The following GREB1 variants were observed in gnomAD, a reference collection of about 807,000 sequenced individuals.
The protein encoded by GREB1 is growth regulating estrogen receptor binding 1, also known as protein GREB1.
GREB1 carries 106 observed loss-of-function variants against 200.7 expected under a neutral mutation model. The ratio of observed to expected loss-of-function variants is 0.53; its 90% CI spans 0.45 to 0.62. The LOEUF is 0.62. GREB1 is among the 20% of genes least tolerant of loss of function. GREB1 has a pLI of 0.00. For synonymous variants in GREB1, 1,132 were observed against 1,092.4 expected, an observed-to-expected ratio of 1.04 and a Z score of -0.72; for missense variants, 2,243 against 2,556.8, an observed-to-expected ratio of 0.88 and a Z score of 2.65.
chr2:11,486,728 C>T (rs547464951), intron 1 of GREB1, among the ~76,000 whole-genome samples: 7 of 151,832 alleles, frequency 4.6e-5, no homozygotes, highest in African/African-American at 1.7e-4. Flanking sequence ...ATTAGCCAGG[C>T]GTGGTGGTGT....
At chr2:11,584,864 C>T (rs1035841293) in intron 7 of GREB1, 6 of 241,252 alleles carry the variant, frequency 2.5e-5, no homozygotes, top group South Asian at 8.7e-5. Flanking sequence ...GGCTGTAGTG[C>T]GCTATGCCGA....
intron 4 of GREB1, 126 bp downstream of exon 4, chr2:11,566,782 C>A: frequency 2.6e-6 from 2 of 778,140 alleles, no homozygotes; most frequent in Admixed American, 2.8e-5. Flanking sequence ...CAGCATGCAG[C>A]CCTGTTTCTG....
intron 1 of GREB1, among the ~76,000 whole-genome samples, chr2:11,484,802 T>C (rs1416753707): frequency 6.6e-6 from 1 of 152,170 alleles, no homozygotes. Context: ...CTAAATTCTG[T>C]CTTGGCCTTT....
intron 2 of GREB1, among the ~76,000 whole-genome samples, chr2:11,559,895 A>G (rs73915427): frequency 0.038 from 5,797 of 152,206 alleles, 235 homozygotes; most frequent in African/African-American, 0.093. Flanking sequence ...AGCCCAGGAA[A>G]TCTGAGAGAT....
chr2:11,618,166 G>GCCAC lies in GREB1; in HGVS notation c.3413-122_3413-121insCCAC, dbSNP rs1558643588. On this transcript the variant is annotated intron_variant, in intron 21 of 32. Transcript: ENST00000381486. ...CTGGGACAGGTCACTCCTGGGATGG[G>GCCAC]TGACTCCTGGGACAGGTCACTCCTG... 11 of 858,592 alleles carry GCCAC rather than the reference G, an allele frequency of 1.3e-5. No homozygotes were observed. In the East Asian group the frequency reaches 3.7e-4, roughly 29 times the overall value. The allele number at this position is 858,592 out of a possible 1,614,324, so 53.2% of individuals were successfully genotyped here.
At chr2:11,536,106 C>A (rs568663605) in intron 1 of GREB1, among the ~76,000 whole-genome samples, 1 of 152,278 alleles carries the variant, frequency 6.6e-6, no homozygotes, top group South Asian at 2.1e-4. Flanking sequence ...CCACCGCAAG[C>A]CTGGAGCATA....
At chr2:11,504,660 A>T (rs1429236877) in intron 1 of GREB1, among the ~76,000 whole-genome samples, 1 of 152,228 alleles carries the variant, frequency 6.6e-6, no homozygotes, top group African/African-American at 2.4e-5. Flanking sequence ...TTCAAGTTTC[A>T]TCCATGTTGT....
intron 11 of GREB1, among the ~76,000 whole-genome samples, chr2:11,593,336 G>A (rs1680921700): frequency 1.3e-5 from 2 of 152,350 alleles, no homozygotes; most frequent in Middle Eastern, 6.8e-3. Flanking sequence ...GGCTGGTGAG[G>A]TTAGCCCTGG....
chr2:11,567,621 C>G (rs779112537), intron 4 of GREB1, among the ~76,000 whole-genome samples: 6 of 152,180 alleles, frequency 3.9e-5, no homozygotes, highest in Non-Finnish European at 7.3e-5. Context: ...GTTTTCCCTT[C>G]CAGCCACCGG....
At chr2:11,590,498 G>T (rs1438283481) in intron 10 of GREB1, among the ~76,000 whole-genome samples, 7 of 152,122 alleles carry the variant, frequency 4.6e-5, no homozygotes, top group Non-Finnish European at 1.0e-4. Flanking sequence ...CTTCCCTGTG[G>T]CATGCTCTTG....
Position 11,618,425 on chromosome 2 carries a change from G to C in GREB1, c.3550G>C (p.Gly1184Arg). ...GEKQRPRASQ[G>R]PPSAISRHSP... ...GAAACAGAGGCCCCGGGCAAGTCAGGGGCCACCCTCGGCCATCAGCAGGCA... is the reference window on the plus strand; with the variant it reads ...GAAACAGAGGCCCCGGGCAAGTCAGCGGCCACCCTCGGCCATCAGCAGGCA... The change falls in exon 22 of 33, where the codon GGG becomes CGG. Residue 1184 changes from glycine to arginine, a missense_variant. Gly to Arg is a moderately radical substitution (Grantham distance 125). Transcript: ENST00000381486. 2 of 1,608,544 alleles carry C rather than the reference G, an allele frequency of 1.2e-6. No homozygotes were observed. Among genetic ancestry groups the C allele is most frequent in the Non-Finnish European group, 1.7e-6 (2 of 1,178,092 alleles).
At chr2:11,549,391 A>T (rs951934669) in intron 1 of GREB1, among the ~76,000 whole-genome samples, 1 of 152,228 alleles carries the variant, frequency 6.6e-6, no homozygotes, top group Non-Finnish European at 1.5e-5. Context: ...TAAGACGAAA[A>T]AAAAGAGAAT....
chr2:11,578,827 C>G (rs2148056528), intron 6 of GREB1, among the ~76,000 whole-genome samples: 1 of 152,336 alleles, frequency 6.6e-6, no homozygotes, highest in African/African-American at 2.4e-5. Flanking sequence ...CTCCCCAGCT[C>G]CATGAATGCC....
At chr2:11,522,601 T>C (rs1167747796) in intron 1 of GREB1, among the ~76,000 whole-genome samples, 2 of 152,108 alleles carry the variant, frequency 1.3e-5, no homozygotes, top group East Asian at 1.9e-4. Context: ...GAACATGTGG[T>C]TCTTACACCC....
At chr2:11,572,651 G>C (rs184461560) in intron 4 of GREB1, among the ~76,000 whole-genome samples, 6 of 152,038 alleles carry the variant, frequency 3.9e-5, no homozygotes, top group Admixed American at 3.9e-4. Flanking sequence ...ACATGTGAGT[G>C]TCATGACCCC....
intron 21 of GREB1, among the ~76,000 whole-genome samples, chr2:11,617,860 TC>T (rs1452980301): frequency 6.6e-6 from 1 of 152,080 alleles, no homozygotes; most frequent in Non-Finnish European, 1.5e-5. Flanking sequence ...GCCCTTCTTT[TC>T]CCCTCACCTC....
At chr2:11,529,246 T>C (rs973671629), upstream of GREB1, among the ~76,000 whole-genome samples, 4 of 152,184 alleles carry the variant, frequency 2.6e-5, no homozygotes, top group African/African-American at 9.7e-5. Context: ...GAGCAAGATA[T>C]GACTATCCAC....
chr2:11,488,738 C>T (rs1572541143), intron 1 of GREB1, among the ~76,000 whole-genome samples: 1 of 149,244 alleles, frequency 6.7e-6, no homozygotes, highest in East Asian at 2.0e-4. Flanking sequence ...TTGCAGTGAG[C>T]CGAGCCTGTG....
intron 22 of GREB1, among the ~76,000 whole-genome samples, chr2:11,619,738 T>A (rs1181327788): frequency 6.6e-6 from 1 of 152,244 alleles, no homozygotes; most frequent in Non-Finnish European, 1.5e-5. Flanking sequence ...TTGTTTTTCC[T>A]TTAGGCCATT....
Sources: gnomAD v4.1 joint callset for allele counts (sites outside exome capture counted in the v4.1 genomes callset) on GRCh38, gnomAD v4.1.1 for gene constraint, MANE v1.5 for transcripts, NCBI Gene and HGNC (gene_info 2026-07-23, HGNC 2026-07-21) for gene names.